The following STX8 variants were observed in gnomAD, a reference collection of about 807,000 sequenced individuals.
STX8 encodes the protein syntaxin 8.
Under a neutral mutation model 37.5 loss-of-function variants are expected in STX8, and 23 were observed. The observed-to-expected ratio is 0.61, with a 90% CI of 0.44 to 0.87. STX8 has a LOEUF of 0.87. Among genes scored for constraint, STX8 ranks in the 40% least tolerant of loss-of-function variants. STX8 has a pLI of 0.00. For synonymous variants in STX8, 115 were observed against 99.1 expected (o/e 1.16, Z -0.95); for missense variants, 313 against 284.7 (o/e 1.10, Z -0.71).
At chr17:9,514,335 T>C (rs1348170310) in intron 4 of STX8, among the ~76,000 whole-genome samples, 2 of 152,202 alleles carry the variant, frequency 1.3e-5, no homozygotes, top group Admixed American at 1.3e-4. Context: ...CTGGGTGCGG[T>C]GGCTCACACC....
At chr17:9,303,912 G>T in intron 7 of STX8, among the ~76,000 whole-genome samples, 1 of 151,750 alleles carries the variant, frequency 6.6e-6, no homozygotes, top group Non-Finnish European at 1.5e-5. Context: ...TTAAAATCTG[G>T]ACGTCATAAA....
chr17:9,418,207 C>G (rs1350984790), intron 6 of STX8, among the ~76,000 whole-genome samples: 1 of 152,032 alleles, frequency 6.6e-6, no homozygotes, highest in East Asian at 1.9e-4. Flanking sequence ...GTAGCACAGC[C>G]AAGTGGTGGC....
intron 7 of STX8, chr17:9,273,577 G>A (rs1907547991): frequency 6.6e-6 from 1 of 152,296 alleles, no homozygotes. Context: ...CTCCTGCCGG[G>A]GGTGGGAAGT....
chr17:9,348,979 C>T (rs2099759318), intron 7 of STX8, among the ~76,000 whole-genome samples: 1 of 152,156 alleles, frequency 6.6e-6, no homozygotes, highest in Non-Finnish European at 1.5e-5. Flanking sequence ...TTTTCCTATA[C>T]ATACATACCT....
At chr17:9,312,682 T>C (rs1161970180) in intron 7 of STX8, among the ~76,000 whole-genome samples, 1 of 152,132 alleles carries the variant, frequency 6.6e-6, no homozygotes, top group Non-Finnish European at 1.5e-5. Context: ...GGAAGGTCAC[T>C]TGGGTTAAAG....
intron 7 of STX8, among the ~76,000 whole-genome samples, chr17:9,325,798 C>G (rs1446409667): frequency 5.9e-5 from 9 of 152,224 alleles, no homozygotes; most frequent in Non-Finnish European, 2.9e-5. Context: ...GAGGCAGGGC[C>G]ACATGGGCCA....
At chr17:9,268,358 C>A (rs563839221) in intron 7 of STX8, among the ~76,000 whole-genome samples, 2 of 151,902 alleles carry the variant, frequency 1.3e-5, no homozygotes, top group Non-Finnish European at 2.9e-5. Flanking sequence ...GAGCCTCTTA[C>A]CAAAAGTGGC....
intron 6 of STX8, chr17:9,464,719 ATTGTT>A (rs753126918): frequency 0.12 from 15,278 of 132,494 alleles, 756 homozygotes; most frequent in Middle Eastern, 0.18. Context: ...TGCCAATCTC[ATTGTT>A]TTTTTTTTTT....
intron 7 of STX8, among the ~76,000 whole-genome samples, chr17:9,286,453 G>C (rs1258281607): frequency 6.6e-6 from 1 of 152,174 alleles, no homozygotes. Flanking sequence ...TGCATGTGTA[G>C]TACAAACGGT....
At chr17:9,279,367 G>A (rs1291277495) in intron 7 of STX8, among the ~76,000 whole-genome samples, 6 of 152,054 alleles carry the variant, frequency 3.9e-5, no homozygotes, top group Admixed American at 1.3e-4. Context: ...GATTATAGGC[G>A]TGAGCCACTA....
chr17:9,253,911 C>T (rs1189992815), intron 7 of STX8, among the ~76,000 whole-genome samples: 3 of 152,188 alleles, frequency 2.0e-5, no homozygotes, highest in South Asian at 4.1e-4. Context: ...TTGGTTCATA[C>T]ACCCGGAGCG....
At chr17:9,521,084 A>G (rs895922997) in intron 4 of STX8, among the ~76,000 whole-genome samples, 4 of 152,224 alleles carry the variant, frequency 2.6e-5, no homozygotes, top group Non-Finnish European at 4.4e-5. Flanking sequence ...TTCTGTGAAT[A>G]TAAAGATGCA....
intron 1 of STX8, among the ~76,000 whole-genome samples, chr17:9,569,200 G>A (rs763981501): frequency 6.6e-6 from 1 of 152,230 alleles, no homozygotes; most frequent in Non-Finnish European, 1.5e-5. Context: ...CACTGGAGAA[G>A]ACGGCAGTAA....
At chr17:9,257,034 C>A (rs1906823232) in intron 7 of STX8, among the ~76,000 whole-genome samples, 1 of 152,244 alleles carries the variant, frequency 6.6e-6, no homozygotes, top group South Asian at 2.1e-4. Flanking sequence ...GGGATCGTTT[C>A]TCTGCGCTTC....
At chr17:9,563,633 G>T (rs1907341413) in intron 2 of STX8, among the ~76,000 whole-genome samples, 1 of 152,086 alleles carries the variant, frequency 6.6e-6, no homozygotes, top group African/African-American at 2.4e-5. Context: ...AGAAGAAGTA[G>T]GTTAAGAAAA....
intron 7 of STX8, among the ~76,000 whole-genome samples, chr17:9,296,858 A>C (rs566195191): frequency 8.5e-5 from 13 of 152,308 alleles, no homozygotes; most frequent in African/African-American, 3.1e-4. Flanking sequence ...TGCCTCTGCT[A>C]ATACTAGTTG....
intron 7 of STX8, among the ~76,000 whole-genome samples, chr17:9,265,119 A>C (rs368499225): frequency 5.4e-5 from 8 of 148,808 alleles, no homozygotes; most frequent in African/African-American, 1.3e-4. Flanking sequence ...ACCCAGTCTG[A>C]AAAGAAAAAA....
At chr17:9,339,070 C>CAAAAAAAAAAAAAAAAAAAAAA (rs34987749) in intron 7 of STX8, among the ~76,000 whole-genome samples, 6 of 70,020 alleles carry the variant, frequency 8.6e-5, no homozygotes, top group African/African-American at 3.2e-4. Flanking sequence ...GACTCCGTCT[C>CAAAAAAAAAAAAAAAAAAAAAA]AAAAAAAAAA....
rs1053668545 is a variant in STX8 at position 9,402,024 on chromosome 17, T to A, written c.542-23371A>T. Among the ~76,000 whole-genome samples, 14 of 152,318 alleles carry A rather than the reference T, an allele frequency of 9.2e-5. No individual in the cohort carries two copies. The South Asian group carries it at 2.7e-3, about 29-fold the overall frequency. ...AGAGGCAGGGATTTACAGGCAGGTC[T>A]CTTAGAGCCACAGTTGGCCCATGTA... is the stretch of plus-strand genomic sequence containing the variant. On this transcript the variant is annotated intron_variant, in intron 6 of 7. Coordinates refer to ENST00000306357, the MANE Select transcript of STX8 (RefSeq NM_004853.3).
Sources: gnomAD v4.1 joint callset for allele counts (sites outside exome capture counted in the v4.1 genomes callset) on GRCh38, gnomAD v4.1.1 for gene constraint, MANE v1.5 for transcripts, NCBI Gene and HGNC (gene_info 2026-07-23, HGNC 2026-07-21) for gene names.